The following XIAP variants were observed in gnomAD, a reference collection of about 807,000 sequenced individuals.
The protein encoded by XIAP is X-linked inhibitor of apoptosis.
Under a neutral mutation model 33.1 loss-of-function variants are expected in XIAP, and 3 were observed. The ratio of observed to expected loss-of-function variants is 0.09; its 90% CI spans 0.04 to 0.23. The LOEUF (loss-of-function observed/expected upper bound fraction) is 0.23. Ranked by LOEUF, XIAP falls within the 10% of genes least tolerant of loss-of-function variation. XIAP has a pLI of 1.00. For missense variants in XIAP, 264 were observed against 363.0 expected (o/e 0.73, Z 2.22); for synonymous variants, 98 against 121.3 (o/e 0.81, Z 1.26).
intron 2 of XIAP, 69 bp from the exon 3 acceptor site, chrX:123,888,550 G>A: frequency 1.1e-6 from 1 of 941,757 alleles, no homozygotes; most frequent in South Asian, 1.9e-5. Flanking sequence ...TAATTTTTAG[G>A]TGTTAAATGA....
At chrX:123,892,646 A>C in intron 4 of XIAP, 85 bp from the exon 5 acceptor site, 1 of 829,781 alleles carries the variant, frequency 1.2e-6, no homozygotes, top group East Asian at 3.2e-5. Context: ...TTTATTTTAA[A>C]TTTATGATTA....
chrX:123,913,795 T>G lies in XIAP; in HGVS notation c.*6614T>G. On this transcript the variant is annotated 3_prime_UTR_variant, in exon 7 of 7. Transcript: ENST00000371199. ...GTATTGTGAATAATCATGTGAAATG[T>G]TTTGAGACAGAGTACTATATTTGTG... 1 of 327,856 alleles carries G rather than the reference T, an allele frequency of 3.1e-6. No homozygotes were observed. The highest frequency in any genetic ancestry group is 2.7e-5 in the South Asian group (1 of 37,621). The allele number at this position is 327,856 out of a possible 1,213,427, so 27.0% of individuals were successfully genotyped here.
chrX:123,862,627 A>G (rs1459762093), intron 1 of XIAP, among the ~76,000 whole-genome samples: 13 of 80,389 alleles, frequency 1.6e-4, no homozygotes, highest in Non-Finnish European at 1.7e-4. Context: ...TTGGGACGCC[A>G]AGGCGGGCAG....
At chrX:123,887,347 A>G (rs2053361724) in intron 2 of XIAP, among the ~76,000 whole-genome samples, 1 of 112,603 alleles carries the variant, frequency 8.9e-6, no homozygotes, top group Non-Finnish European at 1.9e-5. Context: ...TGCGCCGGCC[A>G]TATGAGTACT....
intron 1 of XIAP, among the ~76,000 whole-genome samples, chrX:123,883,560 G>C (rs1204420833): frequency 2.0e-5 from 2 of 99,303 alleles, no homozygotes; most frequent in Non-Finnish European, 2.0e-5. Flanking sequence ...GCAGTGGCGC[G>C]ATCTCAGCTC....
intron 3 of XIAP, among the ~76,000 whole-genome samples, chrX:123,890,311 C>T (rs1217711016): frequency 1.4e-4 from 15 of 106,232 alleles, no homozygotes; most frequent in East Asian, 3.1e-4. Flanking sequence ...CCACCGCGCC[C>T]GGCCCAGTTG....
rs1009194539 is a variant in XIAP at position 123,866,344 on chromosome X, A to T, written c.-33+6051A>T. Reference sequence around the variant, plus strand: ...CGCCTTGGCCTCCCAAAGTGCCAGGATTACAGGCATGAGCCACTGTGCCGG... The same window carrying T: ...CGCCTTGGCCTCCCAAAGTGCCAGGTTTACAGGCATGAGCCACTGTGCCGG... On this transcript the variant is annotated intron_variant, in intron 1 of 6. Coordinates refer to ENST00000371199, the MANE Select transcript of XIAP (RefSeq NM_001167.4). 3.8e-5 allele frequency among the ~76,000 whole-genome samples: 4 copies of T among 105,062 alleles called. No individual in the cohort carries two copies. In the Admixed American group the frequency reaches 4.3e-4, roughly 11 times the overall value. 91.2% of individuals were successfully genotyped at this position (105,062 alleles called of 115,157 possible). A position where few individuals can be genotyped will look rare whatever the true frequency, so the allele number is the denominator to read the frequency against.
Position 123,912,807 on chromosome X carries a change from G to T in XIAP, c.*5626G>T. The T allele has an allele frequency of 3.1e-6, 1 of 320,426 alleles. No homozygotes were observed. Among genetic ancestry groups the T allele is most frequent in the Non-Finnish European group, 6.0e-6 (1 of 166,331 alleles). 26.4% of individuals were successfully genotyped at this position (320,426 alleles called of 1,213,427 possible). ...AGCTGGGACTACAGGCATGCTCCAC[G>T]GTGCCCAGTTAATTTTTTTTGTATT... On this transcript the variant is annotated 3_prime_UTR_variant, in exon 7 of 7. Transcript: ENST00000371199.
chrX:123,892,040 G>A (rs1046376334), intron 4 of XIAP, among the ~76,000 whole-genome samples: 2 of 110,981 alleles, frequency 1.8e-5, no homozygotes, highest in African/African-American at 6.5e-5. Context: ...AGTTTTTGCA[G>A]ACAATATTTA....
At chrX:123,867,076 G>T (rs763389542) in intron 1 of XIAP, among the ~76,000 whole-genome samples, 1 of 59,715 alleles carries the variant, frequency 1.7e-5, no homozygotes, top group Non-Finnish European at 2.9e-5. Context: ...TAACATTTCT[G>T]TTTTTTTTTT....
chrX:123,867,046 C>A (rs1303087580), intron 1 of XIAP, among the ~76,000 whole-genome samples: 2 of 77,177 alleles, frequency 2.6e-5, no homozygotes, highest in Admixed American at 3.0e-4. Context: ...ATCCCCCCCC[C>A]CCCTTCAACA....
intron 1 of XIAP, among the ~76,000 whole-genome samples, chrX:123,862,360 C>T (rs1373486930): frequency 1.9e-5 from 2 of 106,127 alleles, no homozygotes; most frequent in Non-Finnish European, 3.9e-5. Context: ...TGAGCCACCT[C>T]GCCTGGCCAG....
chrX:123,887,252 C>T (rs1310689985), intron 2 of XIAP, among the ~76,000 whole-genome samples: 1 of 110,527 alleles, frequency 9.0e-6, no homozygotes, highest in Non-Finnish European at 1.9e-5. Context: ...AGGGTTTCAC[C>T]ATGGCCAGGC....
chrX:123,866,368 G>A (rs979260433), intron 1 of XIAP, among the ~76,000 whole-genome samples: 1 of 101,901 alleles, frequency 9.8e-6, no homozygotes, highest in Admixed American at 1.1e-4. Flanking sequence ...CCACTGTGCC[G>A]GCCTTTGAGT....
chrX:123,877,475 A>G (rs1254682273), intron 1 of XIAP, among the ~76,000 whole-genome samples: 6 of 112,502 alleles, frequency 5.3e-5, no homozygotes, highest in Non-Finnish European at 1.1e-4. Flanking sequence ...AGAATTTTGT[A>G]ATTCAGGAAC....
chrX:123,899,682 T>C (rs2053499260), intron 5 of XIAP, among the ~76,000 whole-genome samples: 1 of 109,775 alleles, frequency 9.1e-6, no homozygotes, highest in Non-Finnish European at 1.9e-5. Flanking sequence ...TTGCTCATTA[T>C]ATCTATGAGA....
intron 2 of XIAP, among the ~76,000 whole-genome samples, chrX:123,888,000 TAATTAATA>T (rs748458594): frequency 0.072 from 7,049 of 97,988 alleles, 248 homozygotes; most frequent in Non-Finnish European, 0.1. Context: ...AAAATAATAA[TAATTAATA>T]AATAAATAAA....
intron 6 of XIAP, among the ~76,000 whole-genome samples, chrX:123,900,916 G>A (rs902957073): frequency 8.9e-6 from 1 of 111,890 alleles, no homozygotes; most frequent in African/African-American, 3.2e-5. Flanking sequence ...CCAAAATCAA[G>A]GTGCTGGCTG....
At chrX:123,891,851 G>T (rs982654403) in intron 4 of XIAP, among the ~76,000 whole-genome samples, 3 of 104,074 alleles carry the variant, frequency 2.9e-5, no homozygotes, top group Non-Finnish European at 5.9e-5. Flanking sequence ...AAAAGAGAGA[G>T]CCTAAAAAGT....
Sources: gnomAD v4.1 joint callset for allele counts (sites outside exome capture counted in the v4.1 genomes callset) on GRCh38, gnomAD v4.1.1 for gene constraint, MANE v1.5 for transcripts, NCBI Gene and HGNC (gene_info 2026-07-23, HGNC 2026-07-21) for gene names.